Variants in AGBL1 observed in about 807,000 individuals in gnomAD.
The protein encoded by AGBL1 is cytosolic carboxypeptidase 4.
A neutral mutation model predicts 118.9 loss-of-function variants in AGBL1; 130 were observed. The observed-to-expected ratio is 1.09, with a 90% CI of 0.95 to 1.26. AGBL1 has a LOEUF of 1.26. AGBL1 is among the 50% of genes most tolerant of loss of function. The pLI, the probability that AGBL1 is intolerant of heterozygous loss-of-function variation, is 0.00. For synonymous variants in AGBL1, 555 were observed against 478.9 expected, an observed-to-expected ratio of 1.16 and a Z score of -2.08; for missense variants, 1,584 against 1,298.1, an observed-to-expected ratio of 1.22 and a Z score of -3.38.
rs2079132535 is a variant in AGBL1, at chr15:86,269,957, G to C, written c.1877G>C (p.Ser626Thr). The C allele has an allele frequency of 6.2e-7, 1 of 1,613,934 alleles. No individual in the cohort carries two copies. The highest frequency in any genetic ancestry group is 8.5e-7 in the Non-Finnish European group (1 of 1,179,862). The change falls in exon 14 of 23, where the codon AGC becomes ACC. Residue 626 changes from serine to threonine, a missense_variant. By Grantham distance (58) the Ser-to-Thr change is moderately conservative. Coordinates refer to ENST00000614907, the MANE Select transcript of AGBL1 (RefSeq NM_001386094.1). ...YDLLVNADVN[S>T]TQHQQWFYFK... ...TTGCTGGTCAACGCAGATGTGAATA[G>C]CACCCAGCACCAGCAGTGGTTCTAT...
chr15:86,391,603 C>T (rs1422010922), intron 17 of AGBL1, among the ~76,000 whole-genome samples: 3 of 151,282 alleles, frequency 2.0e-5, no homozygotes, highest in Non-Finnish European at 4.4e-5. Context: ...CTCCAAGAAG[C>T]CCCGTCTGAT....
chr15:86,728,576 T>TA (rs879642938), intron 22 of AGBL1, among the ~76,000 whole-genome samples: 9 of 152,126 alleles, frequency 5.9e-5, no homozygotes, highest in African/African-American at 1.7e-4. Flanking sequence ...TGGGGCTAAA[T>TA]AAAAAAACCT....
intron 23 of AGBL1, among the ~76,000 whole-genome samples, chr15:86,924,812 A>G (rs1250307887): frequency 1.3e-5 from 2 of 152,044 alleles, no homozygotes; most frequent in Non-Finnish European, 2.9e-5. Context: ...GCGGTAACTC[A>G]CACCTGTAAT....
At chr15:86,925,178 AG>A (rs374220692) in intron 23 of AGBL1, among the ~76,000 whole-genome samples, 76,600 of 125,602 alleles carry the variant, frequency 0.61, 23,106 homozygotes, top group South Asian at 0.7. Context: ...GAAGAGGAAG[AG>A]GAAGAGGAAG....
intron 6 of AGBL1, among the ~76,000 whole-genome samples, chr15:86,232,439 G>T (rs1183267236): frequency 6.6e-6 from 1 of 152,150 alleles, no homozygotes; most frequent in African/African-American, 2.4e-5. Flanking sequence ...TGTAATTTTG[G>T]CCATATTTGC....
At chr15:86,528,116 G>A (rs146964671) in intron 19 of AGBL1, among the ~76,000 whole-genome samples, 3 of 152,136 alleles carry the variant, frequency 2.0e-5, no homozygotes, top group Admixed American at 6.5e-5. Context: ...CAAGATGGCC[G>A]AATAGGAACA....
At chr15:86,122,521 A>G (rs569426582) in intron 1 of AGBL1, among the ~76,000 whole-genome samples, 120 of 152,324 alleles carry the variant, frequency 7.9e-4, no homozygotes, top group African/African-American at 2.7e-3. Flanking sequence ...AAACCAAGTG[A>G]AGACATCATC....
intron 16 of AGBL1, among the ~76,000 whole-genome samples, chr15:86,292,230 A>G (rs183291852): frequency 4.6e-5 from 7 of 152,186 alleles, no homozygotes; most frequent in African/African-American, 1.7e-4. Flanking sequence ...AGTCCTTATA[A>G]GTGAAAGAAT....
At chr15:86,431,962 C>T (rs1171707288) in intron 18 of AGBL1, among the ~76,000 whole-genome samples, 1 of 152,110 alleles carries the variant, frequency 6.6e-6, no homozygotes, top group African/African-American at 2.4e-5. Context: ...GCTCTGAATC[C>T]CCTCTCCAGC....
chr15:86,843,799 A>C (rs1209425287), intron 22 of AGBL1, among the ~76,000 whole-genome samples: 1 of 152,152 alleles, frequency 6.6e-6, no homozygotes, highest in Non-Finnish European at 1.5e-5. Context: ...ATTTTTAGCA[A>C]ATGTATGTAA....
At chr15:86,472,826 G>T (rs2082496548) in intron 18 of AGBL1, among the ~76,000 whole-genome samples, 1 of 152,270 alleles carries the variant, frequency 6.6e-6, no homozygotes, top group African/African-American at 2.4e-5. Context: ...GGCTGAGGCA[G>T]AAGAATTGCT....
chr15:86,988,054 T>G, exon 24 of AGBL1: 1 of 1,613,426 alleles, frequency 6.2e-7, no homozygotes. Context: ...CATTACAAAC[T>G]TTTTCAAGAT....
At chr15:86,354,047 A>G (rs1459258602) in intron 17 of AGBL1, among the ~76,000 whole-genome samples, 3 of 152,198 alleles carry the variant, frequency 2.0e-5, no homozygotes, top group Non-Finnish European at 4.4e-5. Context: ...GAGGCGGGTG[A>G]TTTGCACTTC....
At chr15:86,771,146 G>A (rs373081539) in intron 22 of AGBL1, among the ~76,000 whole-genome samples, 15 of 152,098 alleles carry the variant, frequency 9.9e-5, no homozygotes, top group African/African-American at 1.4e-4. Context: ...ATTACGCACC[G>A]GACTTGACTA....
At chr15:86,709,975 C>A (rs2086525437) in intron 22 of AGBL1, among the ~76,000 whole-genome samples, 1 of 152,166 alleles carries the variant, frequency 6.6e-6, no homozygotes, top group Non-Finnish European at 1.5e-5. Context: ...GCTGCCCCAA[C>A]TTTTCCCTGC....
At chr15:86,979,894 A>G (rs935893007) in intron 23 of AGBL1, among the ~76,000 whole-genome samples, 3 of 152,030 alleles carry the variant, frequency 2.0e-5, no homozygotes, top group Non-Finnish European at 2.9e-5. Context: ...TCCCTTTCCC[A>G]TCCCATAACA....
rs2078926334 is a variant in AGBL1, at chr15:86,258,114, C to A, written c.969+83C>A. 5 of 1,438,446 alleles carry A rather than the reference C, an allele frequency of 3.5e-6. No homozygotes were observed. The South Asian group carries it at 6.5e-5, about 19-fold the overall frequency. 89.1% of individuals were successfully genotyped at this position (1,438,446 alleles called of 1,614,324 possible). ...ATATTACTTCCTGTGTTTGCCCAAG[C>A]CCAGTGTAAATTTTAAGAACTGACT... On this transcript the variant is annotated intron_variant, in intron 9 of 22. Coordinates refer to ENST00000614907, the MANE Select transcript of AGBL1 (RefSeq NM_001386094.1).
At position 86,257,907 on chromosome 15, in the gene AGBL1, C is replaced by T. The variant is rs13380370; in HGVS notation, c.902-57C>T. Reference sequence around the variant, plus strand: ...ACCACTGTATGGTGAAAATCTAAATCCTAAATCCCGGGCAAAGGGGAAACT... The same window carrying T: ...ACCACTGTATGGTGAAAATCTAAATTCTAAATCCCGGGCAAAGGGGAAACT... On this transcript the variant is annotated intron_variant, in intron 8 of 22. Transcript: ENST00000614907. 9,290 of 1,565,426 alleles carry T rather than the reference C, an allele frequency of 5.9e-3. 482 individuals are homozygous for T. The African/African-American group carries it at 0.11, about 19-fold the overall frequency.
At position 86,780,786 on chromosome 15, in the gene AGBL1, C is replaced by T. The variant is rs1284356984; in HGVS notation, c.3158+106350C>T. Among the ~76,000 whole-genome samples, 3 of 151,810 alleles carry T rather than the reference C, an allele frequency of 2.0e-5. No homozygotes were observed. The East Asian group carries it at 5.8e-4, about 30-fold the overall frequency. ...TCAAGCAATTCTCCTGCCTCAGTCT[C>T]AATCCCGAGTAGCTGGGATTACAGG... is the stretch of plus-strand genomic sequence containing the variant. On this transcript the variant is annotated intron_variant, in intron 22 of 22. Coordinates refer to ENST00000614907, the MANE Select transcript of AGBL1 (RefSeq NM_001386094.1).
Sources: allele counts gnomAD v4.1 joint callset (sites outside exome capture counted in the v4.1 genomes callset), GRCh38; gene constraint gnomAD v4.1.1; transcripts MANE v1.5; gene names NCBI Gene and HGNC (gene_info 2026-07-23, HGNC 2026-07-21).